Variants in RNF125 observed in about 807,000 individuals in gnomAD.
The protein encoded by RNF125 is ring finger protein 125, also known as E3 ubiquitin-protein ligase RNF125.
Under a neutral mutation model 26.0 loss-of-function variants are expected in RNF125, and 21 were observed. That is an observed-to-expected ratio of 0.81 (90% CI 0.57 to 1.16). The LOEUF (loss-of-function observed/expected upper bound fraction) is 1.16. Among genes scored for constraint, RNF125 ranks in the 50% most tolerant of loss-of-function variants. The probability of loss-of-function intolerance (pLI) is 0.00; values close to 1 mark genes in which losing one functional copy is unlikely to be tolerated. For missense variants in RNF125, 270 were observed against 299.4 expected, an observed-to-expected ratio of 0.90 and a Z score of 0.72; for synonymous variants, 95 against 109.2, an observed-to-expected ratio of 0.87 and a Z score of 0.81.
chr18:32,034,362 G>A (rs1353551672), intron 1 of RNF125, among the ~76,000 whole-genome samples: 1 of 152,168 alleles, frequency 6.6e-6, no homozygotes, highest in East Asian at 1.9e-4. Context: ...GCTGCAGCGG[G>A]ACATAAGCCC....
At chr18:32,041,484 T>C (rs991796304) in intron 2 of RNF125, among the ~76,000 whole-genome samples, 1 of 152,090 alleles carries the variant, frequency 6.6e-6, no homozygotes, top group African/African-American at 2.4e-5. Context: ...TTAGATTGTT[T>C]CTTCTCTCTT....
chr18:32,024,039 T>G (rs886645520), intron 1 of RNF125, among the ~76,000 whole-genome samples: 1 of 152,164 alleles, frequency 6.6e-6, no homozygotes, highest in South Asian at 2.1e-4. Flanking sequence ...TTTTATAACC[T>G]CTTACGATTT....
rs2039263017 is a variant in RNF125 at position 32,045,682 on chromosome 18, A to G, written c.454A>G (p.Ser152Gly). ...PFCQRELYED[S>G]LLDHCITHHR... ...TTGTCAGAGGGAACTGTATGAAGACAGCTTGCTGGATCATTGTATTACTCA... is the reference window on the plus strand; with the variant it reads ...TTGTCAGAGGGAACTGTATGAAGACGGCTTGCTGGATCATTGTATTACTCA... Residue 152 changes from serine to glycine, a missense_variant, in exon 4 of 6, where the codon AGC (serine) becomes GGC (glycine). Ser to Gly is a moderately conservative substitution (Grantham distance 56). Coordinates refer to ENST00000217740, the MANE Select transcript of RNF125 (RefSeq NM_017831.4). The G allele has an allele frequency of 1.9e-6, 3 of 1,612,910 alleles. No homozygotes were observed. Among genetic ancestry groups the G allele is most frequent in the Middle Eastern group, 3.3e-4 (2 of 6,062 alleles).
intron 1 of RNF125, among the ~76,000 whole-genome samples, chr18:32,028,629 G>A (rs1232194665): frequency 1.3e-5 from 2 of 148,640 alleles, no homozygotes; most frequent in Non-Finnish European, 3.0e-5. Context: ...CTGTTATTCC[G>A]GCTGGGGTGC....
the RNF125 span, among the ~76,000 whole-genome samples, chr18:32,083,340 T>C: frequency 6.6e-6 from 1 of 152,206 alleles, no homozygotes; most frequent in Non-Finnish European, 1.5e-5. Flanking sequence ...CATTGTGACA[T>C]TGCTGCTAGA....
At chr18:32,040,123 C>G (rs2144471317) in intron 2 of RNF125, among the ~76,000 whole-genome samples, 1 of 151,952 alleles carries the variant, frequency 6.6e-6, no homozygotes, top group African/African-American at 2.4e-5. Context: ...TGTGTTATCC[C>G]TCTTTCTAGG....
At chr18:32,089,020 TTGTG>T in the RNF125 span, among the ~76,000 whole-genome samples, 1 of 152,014 alleles carries the variant, frequency 6.6e-6, no homozygotes, top group Non-Finnish European at 1.5e-5. Context: ...TAGACAGTAG[TTGTG>T]TTGAGAGCCA....
At chr18:32,021,039 A>T (rs1341316703) in intron 1 of RNF125, among the ~76,000 whole-genome samples, 1 of 152,232 alleles carries the variant, frequency 6.6e-6, no homozygotes, top group African/African-American at 2.4e-5. Context: ...TGCAGCCTGC[A>T]CAATGTATAA....
At chr18:32,075,766 G>A (rs1046639934), downstream of RNF125, 13 of 430,284 alleles carry the variant, frequency 3.0e-5, no homozygotes, top group Non-Finnish European at 5.1e-5. Context: ...CAATCTGATT[G>A]TGCCATGCCA....
intron 4 of RNF125, among the ~76,000 whole-genome samples, chr18:32,055,760 C>T (rs993115921): frequency 6.6e-6 from 1 of 151,958 alleles, no homozygotes; most frequent in Non-Finnish European, 1.5e-5. Context: ...GTGGGCGGAT[C>T]ACCTGAGGTG....
intron 3 of RNF125, among the ~76,000 whole-genome samples, chr18:32,043,166 A>T (rs776739417): frequency 1.3e-5 from 2 of 151,998 alleles, no homozygotes; most frequent in Non-Finnish European, 2.9e-5. Flanking sequence ...AAAGAAACAC[A>T]TCTAAGTCAT....
intron 1 of RNF125, among the ~76,000 whole-genome samples, chr18:32,025,436 G>A (rs1427365017): frequency 2.6e-5 from 4 of 151,718 alleles, no homozygotes; most frequent in Admixed American, 2.0e-4. Flanking sequence ...GGCTGAGGTG[G>A]GGGGATCACC....
intron 4 of RNF125, among the ~76,000 whole-genome samples, chr18:32,054,331 G>T (rs1010924283): frequency 6.6e-6 from 1 of 152,058 alleles, no homozygotes; most frequent in East Asian, 1.9e-4. Context: ...GACCTCAGGT[G>T]TTCCTCCCGC....
Position 32,068,312 on chromosome 18 carries a change from T to A in RNF125, c.627T>A (p.Ile209=), listed in dbSNP as rs1412709923. Residue 209 remains isoleucine, a synonymous_variant, in exon 6 of 6, where the codon ATT becomes ATA. Transcript: ENST00000217740. ...CTTTATTGTAGGATTTTAATATAATTGAGGAAGCTCTTATCCGAAGAGTCT... is the reference window on the plus strand; with the variant it reads ...CTTTATTGTAGGATTTTAATATAATAGAGGAAGCTCTTATCCGAAGAGTCT... ...FYDDFIDFNI[I]EEALIRRVLD... is the part of the protein sequence containing the mutation. The A allele has an allele frequency of 6.4e-7, 1 of 1,550,470 alleles. No homozygotes were observed. Among genetic ancestry groups the A allele is most frequent in the Non-Finnish European group, 8.9e-7 (1 of 1,123,382 alleles).
At chr18:32,086,396 GGCTGGAGTGC>G in the RNF125 span, among the ~76,000 whole-genome samples, 63 of 150,050 alleles carry the variant, frequency 4.2e-4, no homozygotes, top group East Asian at 0.011. Flanking sequence ...CTGTTGTTCA[GGCTGGAGTGC>G]AGTGGAGTGA....
the RNF125 span, among the ~76,000 whole-genome samples, chr18:32,088,299 C>T: frequency 6.6e-6 from 1 of 152,282 alleles, no homozygotes; most frequent in African/African-American, 2.4e-5. Context: ...GAGAGTGAAA[C>T]ATGAGCCTCT....
intron 4 of RNF125, among the ~76,000 whole-genome samples, chr18:32,060,506 A>G (rs1241824063): frequency 6.6e-6 from 1 of 152,216 alleles, no homozygotes; most frequent in African/African-American, 2.4e-5. Flanking sequence ...CCATACAGAG[A>G]TGAAGCCAGC....
At chr18:32,048,963 T>A (rs1449194750) in intron 4 of RNF125, among the ~76,000 whole-genome samples, 1 of 152,208 alleles carries the variant, frequency 6.6e-6, no homozygotes, top group Non-Finnish European at 1.5e-5. Flanking sequence ...GTGAAGAAGG[T>A]TGAACCCTGA....
chr18:32,026,958 G>A (rs1215185790), intron 1 of RNF125, among the ~76,000 whole-genome samples: 2 of 152,210 alleles, frequency 1.3e-5, no homozygotes, highest in African/African-American at 2.4e-5. Context: ...CCACATTTTT[G>A]TCTGGCCATA....
Sources: gnomAD v4.1 joint callset for allele counts (sites outside exome capture counted in the v4.1 genomes callset) on GRCh38, gnomAD v4.1.1 for gene constraint, MANE v1.5 for transcripts, NCBI Gene and HGNC (gene_info 2026-07-23, HGNC 2026-07-21) for gene names.